Variants in FOXN3 observed in about 807,000 individuals in gnomAD.
The protein encoded by FOXN3 is forkhead box protein N3.
FOXN3 carries 7 observed loss-of-function variants against 38.4 expected under a neutral mutation model. The ratio of observed to expected loss-of-function variants is 0.18; its 90% CI spans 0.10 to 0.34. The LOEUF (loss-of-function observed/expected upper bound fraction) is 0.34, where lower values mean the gene tolerates loss of function less well. FOXN3 is among the 10% of genes least tolerant of loss of function. The pLI is 1.00. For missense variants in FOXN3, 456 were observed against 613.4 expected (o/e 0.74, Z 2.71); for synonymous variants, 230 against 242.2 (o/e 0.95, Z 0.47).
chr14:89,326,050 C>G (rs746084056), intron 3 of FOXN3, among the ~76,000 whole-genome samples: 1 of 152,174 alleles, frequency 6.6e-6, no homozygotes, highest in Non-Finnish European at 1.5e-5. Context: ...ACACTTTTAT[C>G]AATGATGTAA....
intron 2 of FOXN3, among the ~76,000 whole-genome samples, chr14:89,392,410 G>T (rs1402089928): frequency 1.3e-5 from 2 of 152,160 alleles, no homozygotes; most frequent in African/African-American, 4.8e-5. Context: ...AAGCCGGATG[G>T]CCCCAACAAT....
chr14:89,439,877 ATC>A (rs1461247004), intron 1 of FOXN3, among the ~76,000 whole-genome samples: 1 of 151,788 alleles, frequency 6.6e-6, no homozygotes, highest in African/African-American at 2.4e-5. Context: ...GATGGTCTCA[ATC>A]TCCTGACGTC....
Position 89,540,196 on chromosome 14 carries a change from G to A in FOXN3, c.-15+78832C>T, listed in dbSNP as rs147026554. 4.8e-3 allele frequency among the ~76,000 whole-genome samples: 735 copies of A among 152,252 alleles called. 6 individuals carry two copies. The highest frequency in any genetic ancestry group is 6.1e-3 in the Non-Finnish European group (412 of 68,026). ...ATTTACAGCAGACTTTAGGATTGTG[G>A]ACATTTCTGAGCAAATAGAGATAAC... On this transcript the variant is annotated intron_variant, in intron 1 of 6. Coordinates refer to the FOXN3 transcript ENST00000345097.
At chr14:89,268,700 G>C (rs372693056) in intron 4 of FOXN3, among the ~76,000 whole-genome samples, 15 of 152,206 alleles carry the variant, frequency 9.9e-5, no homozygotes, top group African/African-American at 3.6e-4. Context: ...GTGAAGCCTA[G>C]GGTGGAATTC....
At chr14:89,616,055 C>T (rs1896487130) in intron 1 of FOXN3, among the ~76,000 whole-genome samples, 1 of 152,112 alleles carries the variant, frequency 6.6e-6, no homozygotes, top group Admixed American at 6.5e-5. Context: ...ATATCAAGAA[C>T]ATAAAATCTG....
rs984411854 is a variant in FOXN3, at chr14:89,196,812, T to A, written c.746-16006A>T. ...ATTCCGCTTCCTCTGGGATTTAGTT[T>A]CAGTGGGAAGTGACTTGGAGAGGCC... is the stretch of plus-strand genomic sequence containing the variant. On this transcript the variant is annotated intron_variant, in intron 4 of 5. Coordinates refer to ENST00000557258, the MANE Select transcript of FOXN3 (RefSeq NM_005197.4). Among the ~76,000 whole-genome samples, 5 of 152,186 alleles carry A rather than the reference T, an allele frequency of 3.3e-5. No homozygotes were observed. The East Asian group carries it at 9.6e-4, about 29-fold the overall frequency.
intron 4 of FOXN3, 139 bp from the exon 5 acceptor site, chr14:89,180,945 C>T (rs568492080): frequency 5.1e-5 from 26 of 504,886 alleles, no homozygotes; most frequent in East Asian, 4.9e-4. Context: ...CACACACACA[C>T]GTGCACATAC....
intron 2 of FOXN3, among the ~76,000 whole-genome samples, chr14:89,380,464 T>A (rs8023084): frequency 2.0e-5 from 3 of 152,184 alleles, no homozygotes; most frequent in Non-Finnish European, 4.4e-5. Flanking sequence ...AACTCCTCAA[T>A]CATGTTAACA....
intron 2 of FOXN3, among the ~76,000 whole-genome samples, chr14:89,360,797 C>T (rs1566966525): frequency 8.4e-6 from 1 of 119,730 alleles, no homozygotes; most frequent in Non-Finnish European, 1.7e-5. Flanking sequence ...CCACCACCAC[C>T]ACCTCCAGCA....
chr14:89,506,727 G>C (rs915382222), intron 1 of FOXN3, among the ~76,000 whole-genome samples: 1 of 152,194 alleles, frequency 6.6e-6, no homozygotes, highest in African/African-American at 2.4e-5. Context: ...GATGGTTGCC[G>C]TGTCTGTGTA....
rs767819273 is a variant in FOXN3 at position 89,180,998 on chromosome 14, TCACA to T, written c.746-196_746-193del. On this transcript the variant is annotated intron_variant, in intron 4 of 5. Coordinates refer to ENST00000557258, the MANE Select transcript of FOXN3 (RefSeq NM_005197.4). ...CACACAGACATGCACAGACACACACTCACACAGTCATGCACGCGCACACACACAC... is the reference window on the plus strand; with the variant it reads ...CACACAGACATGCACAGACACACACTCAGTCATGCACGCGCACACACACAC... 1.0e-3 allele frequency among the ~76,000 whole-genome samples: 134 copies of T among 132,356 alleles called. 2 individuals are homozygous for T. The highest frequency in any genetic ancestry group is 3.8e-3 in the African/African-American group (130 of 34,264). The allele number at this position is 132,356 out of a possible 152,430, so 86.8% of individuals were successfully genotyped here. A position where few individuals can be genotyped will look rare whatever the true frequency, so the allele number is the denominator to read the frequency against.
chr14:89,521,932 GGT>G (rs1399258610), intron 1 of FOXN3, among the ~76,000 whole-genome samples: 5 of 151,508 alleles, frequency 3.3e-5, no homozygotes, highest in African/African-American at 1.2e-4. Context: ...GTAGGGGTGG[GGT>G]ATCCATTGAG....
chr14:89,264,378 T>A (rs1047380861), intron 4 of FOXN3, among the ~76,000 whole-genome samples: 2 of 152,098 alleles, frequency 1.3e-5, no homozygotes, highest in Admixed American at 6.5e-5. Context: ...TATAAAACCA[T>A]CAGATCTCAT....
intron 5 of FOXN3, among the ~76,000 whole-genome samples, chr14:89,175,625 G>A (rs1480820326): frequency 6.6e-6 from 1 of 152,184 alleles, no homozygotes; most frequent in African/African-American, 2.4e-5. Flanking sequence ...AGAAGCCCAT[G>A]GGCACTTCCC....
chr14:89,415,881 C>CACACACACACACACACACACAT (rs1566647911), intron 1 of FOXN3, among the ~76,000 whole-genome samples: 1 of 148,212 alleles, frequency 6.7e-6, no homozygotes, highest in Non-Finnish European at 1.5e-5. Context: ...CACACACACA[C>CACACACACACACACACACACAT]ACCCTCTTTT....
chr14:89,466,757 G>A (rs1253095671), intron 1 of FOXN3, among the ~76,000 whole-genome samples: 1 of 152,164 alleles, frequency 6.6e-6, no homozygotes, highest in African/African-American at 2.4e-5. Flanking sequence ...GCTGGCCAAG[G>A]ACCTGTACCA....
Position 89,305,628 on chromosome 14 carries a change from T to A in FOXN3, c.681-24614A>T, listed in dbSNP as rs1452787436. On this transcript the variant is annotated intron_variant, in intron 3 of 5. Transcript: ENST00000557258. Reference sequence around the variant, plus strand: ...TGGCCCCTAATACCACGATTAGCTGTTGCCAGGCAACCATGAAGCATGCTT... The same window carrying A: ...TGGCCCCTAATACCACGATTAGCTGATGCCAGGCAACCATGAAGCATGCTT... 2.0e-5 allele frequency among the ~76,000 whole-genome samples: 3 copies of A among 152,348 alleles called. No homozygotes were observed. In the East Asian group the frequency reaches 5.8e-4, roughly 29 times the overall value.
intron 2 of FOXN3, among the ~76,000 whole-genome samples, chr14:89,360,756 A>T (rs1596216758): frequency 2.0e-5 from 2 of 100,420 alleles, no homozygotes; most frequent in African/African-American, 9.4e-5. Flanking sequence ...CTCCACCACC[A>T]CCTCCACCAC....
intron 1 of FOXN3, among the ~76,000 whole-genome samples, chr14:89,522,820 A>G (rs1180324971): frequency 6.6e-6 from 1 of 152,090 alleles, no homozygotes; most frequent in African/African-American, 2.4e-5. Flanking sequence ...AATTGAGCCA[A>G]TATAAAACAA....
Sources: gnomAD v4.1 joint callset for allele counts (sites outside exome capture counted in the v4.1 genomes callset) on GRCh38, gnomAD v4.1.1 for gene constraint, MANE v1.5 for transcripts, NCBI Gene and HGNC (gene_info 2026-07-23, HGNC 2026-07-21) for gene names.